Variants in MYH15 observed in about 807,000 individuals in gnomAD.
The protein encoded by MYH15 is myosin-15.
MYH15 carries 227 observed loss-of-function variants against 240.5 expected under a neutral mutation model. That is an observed-to-expected ratio of 0.94 (90% CI 0.85 to 1.05). The LOEUF (loss-of-function observed/expected upper bound fraction) is 1.05, where lower values mean the gene tolerates loss of function less well. MYH15 is among the 50% of genes least tolerant of loss of function. The pLI, the probability that MYH15 is intolerant of heterozygous loss-of-function variation, is 0.00. For synonymous variants in MYH15, 785 were observed against 796.7 expected (o/e 0.99, Z 0.25); for missense variants, 2,217 against 2,247.5 (o/e 0.99, Z 0.27).
At chr3:108,451,789 T>C (rs2082976262) in intron 21 of MYH15, among the ~76,000 whole-genome samples, 1 of 152,170 alleles carries the variant, frequency 6.6e-6, no homozygotes, top group Non-Finnish European at 1.5e-5. Context: ...AACCCATCAA[T>C]GTATGAAAAT....
upstream of MYH15, among the ~76,000 whole-genome samples, chr3:108,532,873 T>C (rs2083721004): frequency 6.6e-6 from 1 of 152,182 alleles, no homozygotes; most frequent in South Asian, 2.1e-4. Flanking sequence ...AGAATAAGTA[T>C]ACTGCCAAAC....
At chr3:108,430,786 C>T in intron 26 of MYH15, 46 bp downstream of exon 26, 1 of 1,421,638 alleles carries the variant, frequency 7.0e-7, no homozygotes, top group East Asian at 2.3e-5. Context: ...AGTCATCACC[C>T]ATGGATCTAA....
At chr3:108,523,734 G>A (rs115089603) in intron 1 of MYH15, among the ~76,000 whole-genome samples, 2,568 of 151,748 alleles carry the variant, frequency 0.017, 44 homozygotes, top group Admixed American at 0.031. Context: ...ATTTTTCTCC[G>A]TGCTTATGTG....
chr3:108,435,210 T>C (rs1477103298), intron 25 of MYH15, among the ~76,000 whole-genome samples: 1 of 152,240 alleles, frequency 6.6e-6, no homozygotes, highest in Admixed American at 6.5e-5. Context: ...ATATAATGCC[T>C]TCCTTTTGTC....
chr3:108,427,862 C>G (rs1034067748), intron 27 of MYH15, among the ~76,000 whole-genome samples: 1 of 152,220 alleles, frequency 6.6e-6, no homozygotes, highest in Non-Finnish European at 1.5e-5. Context: ...GTTGCAGCAA[C>G]TAGCCATTTG....
chr3:108,419,587 A>C (rs577485029), intron 28 of MYH15, among the ~76,000 whole-genome samples: 1 of 152,356 alleles, frequency 6.6e-6, no homozygotes, highest in South Asian at 2.1e-4. Context: ...ACTAAATCCT[A>C]AATAGCACAG....
intron 16 of MYH15, 93 bp downstream of exon 16, chr3:108,463,018 A>G: frequency 7.1e-7 from 1 of 1,405,012 alleles, no homozygotes; most frequent in Admixed American, 2.3e-5. Flanking sequence ...GCAGAAACAT[A>G]TCACAGGAAA....
At chr3:108,444,508 T>C in intron 22 of MYH15, 132 bp downstream of exon 22, 1 of 1,042,702 alleles carries the variant, frequency 9.6e-7, no homozygotes. Context: ...TCATTGTCTT[T>C]GGTTTTATAA....
chr3:108,488,811 G>C (rs2083325222), intron 9 of MYH15, among the ~76,000 whole-genome samples: 1 of 152,176 alleles, frequency 6.6e-6, no homozygotes, highest in South Asian at 2.1e-4. Context: ...AGTAGTAGAT[G>C]ACTGGATCAT....
At chr3:108,547,260 C>T in the MYH15 span, among the ~76,000 whole-genome samples, 200 of 151,926 alleles carry the variant, frequency 1.3e-3, 1 homozygote, top group Middle Eastern at 0.014. Flanking sequence ...CCTAGGCTTC[C>T]AAAATTATGG....
At position 108,485,560 on chromosome 3, in the gene MYH15, G is replaced by A. The variant is rs536238437; in HGVS notation, c.976-331C>T. Among the ~76,000 whole-genome samples the A allele has an allele frequency of 3.3e-5, 5 of 152,284 alleles. No individual in the cohort carries two copies. The South Asian group carries it at 1.0e-3, about 32-fold the overall frequency. On this transcript the variant is annotated intron_variant, in intron 10 of 40. Transcript: ENST00000693548. ...CAATTATTTTGCCTTTCGTGGTTAT[G>A]GCAGAAAGCACCATATCTGCTGAGT...
chr3:108,402,447 C>G (rs986901024), intron 33 of MYH15, among the ~76,000 whole-genome samples: 2 of 152,206 alleles, frequency 1.3e-5, no homozygotes, highest in Non-Finnish European at 2.9e-5. Context: ...CCAAATCCCA[C>G]CATGCCCATT....
intron 2 of MYH15, among the ~76,000 whole-genome samples, chr3:108,502,530 T>A (rs1381932070): frequency 3.9e-5 from 6 of 152,170 alleles, no homozygotes; most frequent in Non-Finnish European, 8.8e-5. Flanking sequence ...ATAATAACTA[T>A]AGTTATTAAA....
intron 9 of MYH15, among the ~76,000 whole-genome samples, chr3:108,490,007 T>G (rs2083334653): frequency 6.6e-6 from 1 of 152,240 alleles, no homozygotes; most frequent in African/African-American, 2.4e-5. Flanking sequence ...ATGCTTCTAT[T>G]AGTAAACAGA....
At chr3:108,424,423 G>C (rs1414253822) in intron 27 of MYH15, among the ~76,000 whole-genome samples, 1 of 152,196 alleles carries the variant, frequency 6.6e-6, no homozygotes, top group African/African-American at 2.4e-5. Context: ...GCATGCAAAA[G>C]AGTTGTACCC....
intron 16 of MYH15, among the ~76,000 whole-genome samples, chr3:108,460,848 T>C (rs1315213642): frequency 6.6e-6 from 1 of 152,180 alleles, no homozygotes; most frequent in Non-Finnish European, 1.5e-5. Flanking sequence ...AGCTGTGTTA[T>C]AGGTGACTAT....
upstream of MYH15, among the ~76,000 whole-genome samples, chr3:108,511,235 A>T (rs1421256195): frequency 6.6e-6 from 1 of 152,160 alleles, no homozygotes; most frequent in Non-Finnish European, 1.5e-5. Flanking sequence ...CAGTAAAGGG[A>T]TAAAAAGATA....
intron 1 of MYH15, among the ~76,000 whole-genome samples, chr3:108,529,075 G>C (rs2083694607): frequency 6.6e-6 from 1 of 152,144 alleles, no homozygotes; most frequent in African/African-American, 2.4e-5. Flanking sequence ...TTTTTAAAAA[G>C]CAGACCGGCT....
chr3:108,493,718 T>A (rs1275712643), intron 7 of MYH15, among the ~76,000 whole-genome samples: 1 of 152,040 alleles, frequency 6.6e-6, no homozygotes, highest in Non-Finnish European at 1.5e-5. Context: ...GAAAAGCCAA[T>A]ATCTTAGAAT....
Sources: gnomAD v4.1 joint callset for allele counts (sites outside exome capture counted in the v4.1 genomes callset) on GRCh38, gnomAD v4.1.1 for gene constraint, MANE v1.5 for transcripts, NCBI Gene and HGNC (gene_info 2026-07-23, HGNC 2026-07-21) for gene names.